MIA2: variants seen among roughly 807,000 people sequenced by gnomAD.
The protein encoded by MIA2 is melanoma inhibitory activity protein 2.
Under a neutral mutation model 167.8 loss-of-function variants are expected in MIA2, and 127 were observed. That is an observed-to-expected ratio of 0.76 (90% CI 0.66 to 0.88). The LOEUF is 0.88. Among genes scored for constraint, MIA2 ranks in the 40% least tolerant of loss-of-function variants. The probability of loss-of-function intolerance (pLI) is 0.00; values close to 1 mark genes in which losing one functional copy is unlikely to be tolerated. For synonymous variants in MIA2, 552 were observed against 541.9 expected, an observed-to-expected ratio of 1.02 and a Z score of -0.26; for missense variants, 1,690 against 1,624.7, an observed-to-expected ratio of 1.04 and a Z score of -0.69.
chr14:39,283,592 T>C (rs536108257), intron 9 of MIA2, among the ~76,000 whole-genome samples: 1 of 152,336 alleles, frequency 6.6e-6, no homozygotes, highest in African/African-American at 2.4e-5. Context: ...GCACATTTGT[T>C]ACATAGGTAA....
At chr14:39,325,199 G>C (rs2067237748) in intron 24 of MIA2, among the ~76,000 whole-genome samples, 1 of 151,862 alleles carries the variant, frequency 6.6e-6, no homozygotes, top group South Asian at 2.1e-4. Context: ...ACTCCAGTCT[G>C]GGTAACAGAG....
At position 39,311,466 on chromosome 14, in the gene MIA2, C is replaced by CTTTTTTTT. The variant is rs35478238; in HGVS notation, c.3018-1855_3018-1848dup. 4.6e-5 allele frequency among the ~76,000 whole-genome samples: 2 copies of CTTTTTTTT among 43,322 alleles called. 1 individual carries two copies. 28.4% of individuals were successfully genotyped at this position (43,322 alleles called of 152,430 possible). A position where few individuals can be genotyped will look rare whatever the true frequency, so the allele number is the denominator to read the frequency against. On this transcript the variant is annotated intron_variant, in intron 18 of 28. Coordinates refer to ENST00000640607, the MANE Select transcript of MIA2 (RefSeq NM_001329214.4). Reference sequence around the variant, plus strand: ...TAGGACCTAGAAGCTTGATGTGTTGCTTTTTTTTTTTTTTTTTTTTTTTTT... The same window carrying CTTTTTTTT: ...TAGGACCTAGAAGCTTGATGTGTTGCTTTTTTTTTTTTTTTTTTTTTTTTTTTTTTTTT...
chr14:39,268,158 TTAAG>T (rs1336411265), intron 6 of MIA2, among the ~76,000 whole-genome samples: 1 of 152,158 alleles, frequency 6.6e-6, no homozygotes. Flanking sequence ...ATTTTTCTCC[TTAAG>T]TGTTTCTAGG....
intron 17 of MIA2, among the ~76,000 whole-genome samples, chr14:39,305,733 C>G (rs1336402820): frequency 1.3e-5 from 2 of 152,116 alleles, no homozygotes; most frequent in Non-Finnish European, 2.9e-5. Context: ...CTGGGGAGTT[C>G]AAGACCAGCT....
At chr14:39,347,541 A>C (rs1024152595) in intron 26 of MIA2, 172 bp from the exon 27 acceptor site, 2 of 608,174 alleles carry the variant, frequency 3.3e-6, no homozygotes, top group African/African-American at 3.9e-5. Flanking sequence ...TGAGTCTGCC[A>C]GAATTTCTAG....
chr14:39,361,980 G>A (rs1351217229), intron 23 of MIA2, among the ~76,000 whole-genome samples: 3 of 152,052 alleles, frequency 2.0e-5, no homozygotes, highest in Non-Finnish European at 4.4e-5. Context: ...TTCATATGAT[G>A]TATCACATTT....
intron 23 of MIA2, among the ~76,000 whole-genome samples, chr14:39,368,546 T>G (rs144384317): frequency 4.6e-5 from 7 of 152,322 alleles, no homozygotes; most frequent in Non-Finnish European, 1.0e-4. Flanking sequence ...GTACCGTGGC[T>G]GCCACCTTGT....
intron 25 of MIA2, among the ~76,000 whole-genome samples, chr14:39,339,187 A>G (rs1220404515): frequency 6.6e-6 from 1 of 152,124 alleles, no homozygotes; most frequent in African/African-American, 2.4e-5. Flanking sequence ...CAGGAGGTGG[A>G]GCTTAGGTGG....
intron 6 of MIA2, among the ~76,000 whole-genome samples, chr14:39,257,635 G>C (rs1424560670): frequency 6.6e-6 from 1 of 152,164 alleles, no homozygotes; most frequent in Non-Finnish European, 1.5e-5. Context: ...CATGATGCTA[G>C]CTGGTTATTT....
chr14:39,330,015 T>C (rs544377011), intron 25 of MIA2, among the ~76,000 whole-genome samples: 3 of 152,322 alleles, frequency 2.0e-5, no homozygotes, highest in Admixed American at 2.0e-4. Flanking sequence ...CCTCTTTTTC[T>C]GTTGATTGGA....
chr14:39,345,870 A>G, intron 25 of MIA2, 34 bp from the exon 26 acceptor site: 2 of 1,571,712 alleles, frequency 1.3e-6, no homozygotes, highest in South Asian at 2.3e-5. Flanking sequence ...TTATATTTAC[A>G]TTAATGAAGA....
chr14:39,295,138 G>A (rs1259622385), intron 13 of MIA2, 109 bp downstream of exon 13: 2 of 746,714 alleles, frequency 2.7e-6, no homozygotes, highest in Non-Finnish European at 4.7e-6. Context: ...TTCCTTGAGA[G>A]CATGAGAGCA....
At chr14:39,263,264 T>C (rs2055218692) in intron 6 of MIA2, among the ~76,000 whole-genome samples, 1 of 152,228 alleles carries the variant, frequency 6.6e-6, no homozygotes, top group Non-Finnish European at 1.5e-5. Flanking sequence ...TCTGCATGTA[T>C]TGAGATAATC....
chr14:39,328,359 A>T (rs948930570), intron 25 of MIA2, among the ~76,000 whole-genome samples: 4 of 151,984 alleles, frequency 2.6e-5, no homozygotes, highest in Non-Finnish European at 5.9e-5. Flanking sequence ...TAGATTGTGG[A>T]TATTAGCCCT....
At chr14:39,294,369 T>C (rs534159002) in intron 12 of MIA2, among the ~76,000 whole-genome samples, 1 of 152,244 alleles carries the variant, frequency 6.6e-6, no homozygotes, top group South Asian at 2.1e-4. Context: ...GGCTAAGTTT[T>C]GTATTTTTAG....
intron 25 of MIA2, among the ~76,000 whole-genome samples, chr14:39,334,397 C>G (rs898269422): frequency 1.3e-5 from 2 of 150,608 alleles, no homozygotes; most frequent in Non-Finnish European, 3.0e-5. Flanking sequence ...ATTGCTTGAA[C>G]CTGGGAGACA....
At chr14:39,374,487 A>G (rs1408316053) in intron 23 of MIA2, among the ~76,000 whole-genome samples, 1 of 152,264 alleles carries the variant, frequency 6.6e-6, no homozygotes, top group Non-Finnish European at 1.5e-5. Flanking sequence ...GATGATGGCT[A>G]TCTTTTTTTG....
intron 10 of MIA2, 158 bp downstream of exon 10, chr14:39,291,254 C>T (rs140533519): frequency 3.6e-6 from 2 of 552,474 alleles, no homozygotes; most frequent in African/African-American, 3.9e-5. Context: ...GGAAATGGGA[C>T]AATAGGAGGT....
At chr14:39,330,128 T>A (rs2068480540) in intron 25 of MIA2, among the ~76,000 whole-genome samples, 1 of 152,228 alleles carries the variant, frequency 6.6e-6, no homozygotes, top group Non-Finnish European at 1.5e-5. Flanking sequence ...GGCTATTAAT[T>A]ACTACGTCAA....
Sources: gnomAD v4.1 joint callset for allele counts (sites outside exome capture counted in the v4.1 genomes callset) on GRCh38, gnomAD v4.1.1 for gene constraint, MANE v1.5 for transcripts, NCBI Gene and HGNC (gene_info 2026-07-23, HGNC 2026-07-21) for gene names.